DBNDD1: variants seen among roughly 807,000 people sequenced by gnomAD.
The protein encoded by DBNDD1 is dysbindin domain-containing protein 1.
A neutral mutation model predicts 17.0 loss-of-function variants in DBNDD1; 14 were observed. That is an observed-to-expected ratio of 0.82 (90% CI 0.54 to 1.29). The LOEUF is 1.29. DBNDD1 is among the 50% of genes most tolerant of loss of function. The pLI is 0.00. For missense variants in DBNDD1, 221 were observed against 216.2 expected (o/e 1.02, Z -0.14); for synonymous variants, 105 against 102.0 (o/e 1.03, Z -0.18).
intron 1 of DBNDD1, chr16:90,011,722 A>G (rs1326328231): frequency 1.5e-5 from 7 of 453,010 alleles, no homozygotes; most frequent in Middle Eastern, 3.3e-4. Context: ...TGAGCATCCT[A>G]AAGGGTCAAG....
Position 90,019,136 on chromosome 16 carries a change from G to A in DBNDD1, c.31+175C>T, listed in dbSNP as rs1487806930. Among the ~76,000 whole-genome samples the A allele has an allele frequency of 6.6e-6, 1 of 152,192 alleles. No homozygotes were observed. The highest frequency in any genetic ancestry group is 1.5e-5 in the Non-Finnish European group (1 of 68,016). On this transcript the variant is annotated intron_variant, in intron 1 of 3. Coordinates refer to ENST00000002501, the MANE Select transcript of DBNDD1 (RefSeq NM_001042610.3). The surrounding 1 kb of genome is among the most constrained non-coding windows in gnomAD (Gnocchi z 6.1). The stretch of plus-strand genomic sequence containing the variant: ...CGGAGACTCGGTCCGTGTGCCCCCA[G>A]CCCCGCGCGGGGACCGCGCCCGGGA...
chr16:90,013,261 T>TCAAAA (rs1567835111), intron 1 of DBNDD1, among the ~76,000 whole-genome samples: 1 of 4,494 alleles, frequency 2.2e-4, no homozygotes, highest in Non-Finnish European at 4.9e-4. Flanking sequence ...AAACCTTGCC[T>TCAAAA]TAAAAAAAAA....
At chr16:90,014,771 A>G (rs9935780) in intron 1 of DBNDD1, among the ~76,000 whole-genome samples, 111,641 of 151,828 alleles carry the variant, frequency 0.74, 42,039 homozygotes, top group South Asian at 0.79. Context: ...TTGGGAGGCC[A>G]AGGCGGGCGG....
intron 1 of DBNDD1, among the ~76,000 whole-genome samples, chr16:90,018,747 A>G (rs56240065): frequency 0.96 from 146,271 of 152,274 alleles, 70,279 homozygotes; most frequent in East Asian, 1. Context: ...CGCCTGGGCC[A>G]CTCCCGGACC....
At chr16:90,010,164 TCCC>T in intron 1 of DBNDD1, 1 of 879,324 alleles carries the variant, frequency 1.1e-6, no homozygotes, top group Non-Finnish European at 1.8e-6. Flanking sequence ...TCCTGCCTCA[TCCC>T]CCTGAGTAGA....
At chr16:90,009,173 G>C (rs1007115093) in intron 2 of DBNDD1, 111 bp downstream of exon 2, 16 of 1,480,448 alleles carry the variant, frequency 1.1e-5, no homozygotes, top group Admixed American at 7.3e-5. Context: ...CACAGCGCCG[G>C]ACCTAGACCC....
chr16:90,005,165 C>G lies in DBNDD1; in HGVS notation c.*1170G>C, dbSNP rs928960548. On this transcript the variant is annotated 3_prime_UTR_variant, in exon 4 of 4. Coordinates refer to ENST00000002501, the MANE Select transcript of DBNDD1 (RefSeq NM_001042610.3). ...GGAGCTCAGGGCATGCCTGGGGCATCTCCAAAGCTCTGCTGAGAGTGAAGG... is the reference window on the plus strand; with the variant it reads ...GGAGCTCAGGGCATGCCTGGGGCATGTCCAAAGCTCTGCTGAGAGTGAAGG... 1 of 152,364 alleles carries G rather than the reference C, an allele frequency of 6.6e-6. No homozygotes were observed. The allele number at this position is 152,364 out of a possible 1,614,324, so 9.4% of individuals were successfully genotyped here. A position where few individuals can be genotyped will look rare whatever the true frequency, so the allele number is the denominator to read the frequency against.
intron 1 of DBNDD1, among the ~76,000 whole-genome samples, chr16:90,012,548 C>T (rs541200638): frequency 6.6e-6 from 1 of 152,044 alleles, no homozygotes; most frequent in South Asian, 2.1e-4. Context: ...AAACCTCCGC[C>T]TCCTGGGTTC....
chr16:90,010,085 A>T (rs775631191), intron 1 of DBNDD1: 2 of 1,604,428 alleles, frequency 1.2e-6, no homozygotes, highest in Non-Finnish European at 1.7e-6. Context: ...TCGCTCTGTC[A>T]CCCAGGCTGG....
At chr16:90,012,421 G>A (rs1423836364) in intron 1 of DBNDD1, among the ~76,000 whole-genome samples, 1 of 149,770 alleles carries the variant, frequency 6.7e-6, no homozygotes, top group African/African-American at 2.5e-5. Flanking sequence ...GTCCCTCCCC[G>A]CCCCTCCTTC....
At position 90,008,911 on chromosome 16, in the gene DBNDD1, G is replaced by A. The variant is rs751533099; in HGVS notation, c.192C>T (p.Ser64=). 6 of 1,569,140 alleles carry A rather than the reference G, an allele frequency of 3.8e-6. No individual in the cohort carries two copies. Among genetic ancestry groups the A allele is most frequent in the Admixed American group, 1.8e-5 (1 of 56,158 alleles). Reference sequence around the variant, plus strand: ...CGAAGTGGACCTCCAGAGAGGAGACGCTGCTCAGAGGCTCTGAGGGCAGAG... The same window carrying A: ...CGAAGTGGACCTCCAGAGAGGAGACACTGCTCAGAGGCTCTGAGGGCAGAG... The part of the protein sequence containing the change: ...QVTERRQPLS[S]VSSLEVHFDL... Residue 64 remains serine (S), a synonymous_variant, in exon 3 of 4, where the codon AGC becomes AGT. Transcript: ENST00000002501.
At chr16:90,014,442 G>C (rs1212158117) in intron 1 of DBNDD1, among the ~76,000 whole-genome samples, 1 of 152,032 alleles carries the variant, frequency 6.6e-6, no homozygotes, top group Non-Finnish European at 1.5e-5. Flanking sequence ...GCATTTTTAC[G>C]ACGAGGCCAG....
chr16:90,012,562 C>T (rs1014942724), intron 1 of DBNDD1, among the ~76,000 whole-genome samples: 18 of 151,754 alleles, frequency 1.2e-4, no homozygotes, highest in South Asian at 2.1e-4. Flanking sequence ...TGGGTTCAAG[C>T]GATTCTCCTG....
chr16:90,008,720 G>A, intron 3 of DBNDD1, 64 bp downstream of exon 3: 2 of 1,514,276 alleles, frequency 1.3e-6, no homozygotes, highest in Non-Finnish European at 1.8e-6. Flanking sequence ...CACCTCCCAG[G>A]ACTTCCCAAG....
chr16:90,012,365 T>TTA (rs1466280922), intron 1 of DBNDD1, among the ~76,000 whole-genome samples: 1 of 152,086 alleles, frequency 6.6e-6, no homozygotes, highest in Non-Finnish European at 1.5e-5. Flanking sequence ...ATGGACACCC[T>TTA]TACCCCAGAG....
intron 1 of DBNDD1, among the ~76,000 whole-genome samples, chr16:90,010,551 T>G (rs76096753): frequency 6.7e-6 from 1 of 149,692 alleles, no homozygotes; most frequent in Non-Finnish European, 1.5e-5. Flanking sequence ...TTTTTTTTTT[T>G]TGTATTTTTA....
intron 1 of DBNDD1, among the ~76,000 whole-genome samples, chr16:90,010,496 T>C (rs1224380009): frequency 2.0e-5 from 3 of 150,794 alleles, no homozygotes; most frequent in African/African-American, 7.3e-5. Flanking sequence ...GCCTCCTTAG[T>C]AGCTGGGACT....
chr16:90,014,538 C>A (rs1025729624), intron 1 of DBNDD1, among the ~76,000 whole-genome samples: 2 of 152,298 alleles, frequency 1.3e-5, no homozygotes, highest in Non-Finnish European at 2.9e-5. Context: ...CTCAGCCAAA[C>A]AGCAATCCCC....
At chr16:90,009,130 G>A in intron 2 of DBNDD1, 154 bp downstream of exon 2, 1 of 1,270,864 alleles carries the variant, frequency 7.9e-7, no homozygotes. Flanking sequence ...GTGCAGCTGA[G>A]GCTCAGAGAA....
Sources: gnomAD v4.1 joint callset for allele counts (sites outside exome capture counted in the v4.1 genomes callset) on GRCh38, gnomAD v4.1.1 for gene constraint, Gnocchi (gnomAD v3.1) non-coding constraint, MANE v1.5 for transcripts, NCBI Gene and HGNC (gene_info 2026-07-23, HGNC 2026-07-21) for gene names.